ELF5: variants seen among roughly 807,000 people sequenced by gnomAD.
ELF5 encodes E74 like ETS transcription factor 5.
In ELF5, 31 loss-of-function variants were observed where a neutral mutation model predicts 38.2. That is an observed-to-expected ratio of 0.81 (90% confidence interval 0.61 to 1.10). The LOEUF (loss-of-function observed/expected upper bound fraction) is 1.10. Among genes scored for constraint, ELF5 ranks in the 50% least tolerant of loss-of-function variants. ELF5 has a pLI of 0.00. For missense variants in ELF5, 300 were observed against 306.6 expected, an observed-to-expected ratio of 0.98 and a Z score of 0.16; for synonymous variants, 121 against 112.5, an observed-to-expected ratio of 1.08 and a Z score of -0.48.
chr11:34,504,034 C>A (rs989149208), intron 2 of ELF5, among the ~76,000 whole-genome samples: 1 of 152,112 alleles, frequency 6.6e-6, no homozygotes, highest in Non-Finnish European at 1.5e-5. Context: ...TTGTAGCCCG[C>A]CCCTCCCACT....
chr11:34,493,255 T>A (rs1205452078), intron 3 of ELF5: 2 of 604,274 alleles, frequency 3.3e-6, no homozygotes, highest in African/African-American at 3.7e-5. Context: ...TTTTTCTTTC[T>A]CTTTTTTTAA....
At chr11:34,512,796 A>G (rs1469034323) in intron 1 of ELF5, among the ~76,000 whole-genome samples, 1 of 152,184 alleles carries the variant, frequency 6.6e-6, no homozygotes, top group Non-Finnish European at 1.5e-5. Flanking sequence ...GAGAACACGA[A>G]GACAACAGAA....
At chr11:34,487,987 G>A (rs35828978) in intron 4 of ELF5, among the ~76,000 whole-genome samples, 4,261 of 151,918 alleles carry the variant, frequency 0.028, 87 homozygotes, top group Middle Eastern at 0.075. Flanking sequence ...CTGGCCATTC[G>A]CTGCTTGGAA....
intron 1 of ELF5, chr11:34,511,697 A>T: frequency 8.5e-7 from 1 of 1,173,996 alleles, no homozygotes; most frequent in Non-Finnish European, 1.2e-6. Flanking sequence ...TCAGTGTCAC[A>T]CAAATCAGAG....
At chr11:34,494,567 G>C (rs545508690) in intron 2 of ELF5, among the ~76,000 whole-genome samples, 1 of 152,214 alleles carries the variant, frequency 6.6e-6, no homozygotes, top group African/African-American at 2.4e-5. Context: ...CTAGACAGTT[G>C]TGAGTGCCAT....
chr11:34,500,756 G>A (rs1050281980), intron 2 of ELF5, among the ~76,000 whole-genome samples: 1 of 152,238 alleles, frequency 6.6e-6, no homozygotes, highest in Non-Finnish European at 1.5e-5. Flanking sequence ...GAAGTTCTTA[G>A]ATTCTTTCCT....
chr11:34,505,118 C>A (rs1248750010), intron 2 of ELF5, among the ~76,000 whole-genome samples: 1 of 152,192 alleles, frequency 6.6e-6, no homozygotes, highest in Admixed American at 6.5e-5. Context: ...GGGCAAGTCA[C>A]TTAGCCTCTC....
chr11:34,494,147 C>A (rs530261683), intron 2 of ELF5, among the ~76,000 whole-genome samples: 2 of 152,170 alleles, frequency 1.3e-5, no homozygotes, highest in Non-Finnish European at 2.9e-5. Flanking sequence ...GTTTCCTCAT[C>A]TGTAAAATGG....
intron 2 of ELF5, among the ~76,000 whole-genome samples, chr11:34,503,167 CT>C (rs11398351): frequency 2.0e-5 from 3 of 151,220 alleles, no homozygotes; most frequent in Non-Finnish European, 3.0e-5. Flanking sequence ...GAAACTAATC[CT>C]TTTTTTTTGA....
Position 34,480,006 on chromosome 11 carries a change from G to C in ELF5, c.*212C>G, listed in dbSNP as rs1856894529. On this transcript the variant is annotated 3_prime_UTR_variant, in exon 7 of 7. Transcript: ENST00000257832. ...AAAAGATCATCCCCTCATCCCCTTA[G>C]GGAGAAGAAAGGATTTCTTAAGAGT... 1 of 569,256 alleles carries C rather than the reference G, an allele frequency of 1.8e-6. No homozygotes were observed. 35.3% of individuals were successfully genotyped at this position (569,256 alleles called of 1,614,324 possible). A position where few individuals can be genotyped will look rare whatever the true frequency, so the allele number is the denominator to read the frequency against.
chr11:34,495,904 C>A (rs1850304422), intron 2 of ELF5, among the ~76,000 whole-genome samples: 1 of 152,224 alleles, frequency 6.6e-6, no homozygotes, highest in Admixed American at 6.5e-5. Flanking sequence ...CCTGAGGGGC[C>A]TTTTGGACTT....
At chr11:34,480,381 C>T in intron 6 of ELF5, 67 bp from the exon 7 acceptor site, 1 of 1,232,994 alleles carries the variant, frequency 8.1e-7, no homozygotes, top group Non-Finnish European at 1.2e-6. Context: ...AGAACACAAA[C>T]ACTGTCTCCT....
chr11:34,491,414 C>T (rs1409829584), intron 3 of ELF5, among the ~76,000 whole-genome samples: 1 of 150,590 alleles, frequency 6.6e-6, no homozygotes, highest in African/African-American at 2.4e-5. Context: ...CACTCCTGGC[C>T]TAGAGAGTGC....
chr11:34,508,223 T>A (rs1414804065), intron 1 of ELF5, among the ~76,000 whole-genome samples: 1 of 152,164 alleles, frequency 6.6e-6, no homozygotes, highest in Non-Finnish European at 1.5e-5. Context: ...ATTTTACTGC[T>A]GGGCGCAGTG....
Position 34,480,845 on chromosome 11 carries a change from C to T in ELF5, c.598G>A (p.Ala200Thr), listed in dbSNP as rs1483696050. 6.2e-7 allele frequency: 1 copy of T among 1,614,104 alleles called. No homozygotes were observed. Among genetic ancestry groups the T allele is most frequent in the Admixed American group, 1.7e-5 (1 of 60,016 alleles). ...CTTTGTCCCCACATCTTTGCCAGGG[C>T]TTCCGATTTAACCACCCGAAAAATT... ...QGIFRVVKSE[A>T]LAKMWGQRKK... is the part of the protein sequence containing the mutation. Residue 200 changes from alanine to threonine, a missense_variant, in exon 6 of 7, where the codon GCC becomes ACC. Transcript: ENST00000257832.
intron 5 of ELF5, among the ~76,000 whole-genome samples, chr11:34,481,707 T>C (rs531947987): frequency 6.6e-6 from 1 of 152,352 alleles, no homozygotes; most frequent in African/African-American, 2.4e-5. Flanking sequence ...TTTCTCTTAT[T>C]CTATGATATG....
chr11:34,489,972 T>G (rs2133880500), intron 4 of ELF5, 37 bp downstream of exon 4: 1 of 1,612,450 alleles, frequency 6.2e-7, no homozygotes. Context: ...ATGACAACCT[T>G]GACAGAGCCT....
intron 1 of ELF5, among the ~76,000 whole-genome samples, chr11:34,506,274 G>A (rs1309801740): frequency 1.3e-5 from 2 of 152,124 alleles, no homozygotes; most frequent in Admixed American, 6.5e-5. Flanking sequence ...TTAGAAGGGG[G>A]CACTAAATGT....
chr11:34,511,601 C>T (rs766545377), intron 1 of ELF5: 1 of 1,614,004 alleles, frequency 6.2e-7, no homozygotes, highest in Non-Finnish European at 8.5e-7. Flanking sequence ...CCTCCAGTGG[C>T]TTCTGAACCC....
Sources: allele counts gnomAD v4.1 joint callset (sites outside exome capture counted in the v4.1 genomes callset), GRCh38; gene constraint gnomAD v4.1.1; transcripts MANE v1.5; gene names NCBI Gene and HGNC (gene_info 2026-07-23, HGNC 2026-07-21).